Variants in SPAG11A observed in about 807,000 individuals in gnomAD.
SPAG11A encodes sperm-associated antigen 11A.
In SPAG11A, 2 loss-of-function variants were observed where a neutral mutation model predicts 5.5. The ratio of observed to expected loss-of-function variants is 0.37; its 90% CI spans 0.15 to 1.15. The LOEUF (loss-of-function observed/expected upper bound fraction) is 1.15, where lower values mean the gene tolerates loss of function less well. SPAG11A is among the 50% of genes most tolerant of loss of function. The pLI is 0.38. For synonymous variants in SPAG11A, 11 were observed against 42.7 expected (o/e 0.26, Z 2.90); for missense variants, 24 against 122.5 (o/e 0.20, Z 3.80).
chr8:7,859,937 T>C (rs1246522714), intron 2 of SPAG11A, among the ~76,000 whole-genome samples: 1 of 146,978 alleles, frequency 6.8e-6, no homozygotes, highest in African/African-American at 2.5e-5. Context: ...GCTGAGATGA[T>C]ACAGAATCAG....
rs149814174 is a variant in SPAG11A at position 7,860,566 on chromosome 8, C to T, written c.215-80C>T. On this transcript the variant is annotated intron_variant, in intron 2 of 2. Transcript: ENST00000642566. ...ACTTAGCCTTGTCAGAATATATAAC[C>T]CTTGGCAGTGGGCTGGGTTCATCTT... 4.1e-4 allele frequency: 562 copies of T among 1,380,888 alleles called. 42 individuals carry two copies. The African/African-American group carries it at 6.1e-3, about 15-fold the overall frequency. 85.5% of individuals were successfully genotyped at this position (1,380,888 alleles called of 1,614,324 possible). A position where few individuals can be genotyped will look rare whatever the true frequency, so the allele number is the denominator to read the frequency against.
At chr8:7,857,737 C>G (rs1488855145) in intron 2 of SPAG11A, among the ~76,000 whole-genome samples, 21 of 89,468 alleles carry the variant, frequency 2.3e-4, no homozygotes, top group African/African-American at 6.3e-4. Context: ...GTCAGAGAGT[C>G]CCTGCCAGGG....
rs116580826 is a variant in SPAG11A at position 7,860,371 on chromosome 8, G to A, written c.215-275G>A. On this transcript the variant is annotated intron_variant, in intron 2 of 2. Coordinates refer to ENST00000642566, the Ensembl canonical transcript of SPAG11A. ...GTGCACATCTCTCACCAGGAGGCTC[G>A]AGGACCCTCATTTAAGATCTGCGTG... 7.5e-3 allele frequency: 10,762 copies of A among 1,426,978 alleles called. 887 individuals carry two copies. The African/African-American group carries it at 0.13, about 18-fold the overall frequency. 88.4% of individuals were successfully genotyped at this position (1,426,978 alleles called of 1,614,324 possible).
downstream of SPAG11A, chr8:7,862,453 GGT>G (rs1490567440): frequency 4.7e-6 from 1 of 213,150 alleles, no homozygotes; most frequent in Non-Finnish European, 9.0e-6. Flanking sequence ...TCCCTGCCAG[GGT>G]GCTGCAGGTG....
chr8:7,861,351 A>G (rs577638200), downstream of SPAG11A, among the ~76,000 whole-genome samples: 47 of 146,458 alleles, frequency 3.2e-4, no homozygotes, highest in African/African-American at 1.1e-3. Context: ...ACAAGCTGAT[A>G]GTGTGTATAA....
At chr8:7,859,959 C>T (rs1818141741) in intron 2 of SPAG11A, among the ~76,000 whole-genome samples, 2 of 148,912 alleles carry the variant, frequency 1.3e-5, no homozygotes, top group South Asian at 4.4e-4. Context: ...GATTAGACCC[C>T]GTTTGGAGGT....
At chr8:7,863,650 G>A (rs1378758498), downstream of SPAG11A, 6 of 1,506,736 alleles carry the variant, frequency 4.0e-6, no homozygotes, top group African/African-American at 2.7e-5. Flanking sequence ...CGAAGAGCAG[G>A]AGCCTCACCC....
In SPAG11A at chr8:7,860,378, C is replaced by G. The variant is rs1818165345; in HGVS notation, c.215-268C>G. 2.8e-6 allele frequency: 4 copies of G among 1,429,860 alleles called. 1 individual carries two copies. Among genetic ancestry groups the G allele is most frequent in the Non-Finnish European group, 3.8e-6 (4 of 1,053,558 alleles). The allele number at this position is 1,429,860 out of a possible 1,614,324, so 88.6% of individuals were successfully genotyped here. ...TCTCTCACCAGGAGGCTCGAGGACC[C>G]TCATTTAAGATCTGCGTGGGCTTTT... On this transcript the variant is annotated intron_variant, in intron 2 of 2. Coordinates refer to ENST00000642566, the Ensembl canonical transcript of SPAG11A.
At chr8:7,848,503 C>G (rs1817853454) in intron 1 of SPAG11A, among the ~76,000 whole-genome samples, 188 bp from the exon 2 acceptor site, 2 of 150,244 alleles carry the variant, frequency 1.3e-5, no homozygotes, top group Non-Finnish European at 3.0e-5. Context: ...CACCTTCTCT[C>G]TCTACACATA....
At chr8:7,863,213 A>ATTTTTTTTT (rs869056010), downstream of SPAG11A, among the ~76,000 whole-genome samples, 45 of 7,542 alleles carry the variant, frequency 6.0e-3, 12 homozygotes, top group South Asian at 0.042. Context: ...TGCAGATGGG[A>ATTTTTTTTT]TTTTTTTTTT....
intron 2 of SPAG11A, chr8:7,860,217 T>C (rs1349009062): frequency 1.4e-6 from 1 of 722,674 alleles, no homozygotes; most frequent in Non-Finnish European, 2.1e-6. Flanking sequence ...TCCTTTTCGT[T>C]GTAGGACATA....
At chr8:7,861,994 A>G (rs1480203603), downstream of SPAG11A, among the ~76,000 whole-genome samples, 2 of 90,508 alleles carry the variant, frequency 2.2e-5, 1 homozygote, top group Non-Finnish European at 4.8e-5. Flanking sequence ...AGGCACAGGC[A>G]CCGCTGCAGG....
intron 2 of SPAG11A, among the ~76,000 whole-genome samples, chr8:7,857,823 C>T (rs1411670147): frequency 3.6e-4 from 32 of 89,640 alleles, no homozygotes; most frequent in African/African-American, 9.4e-4. Context: ...TTGAGATGCT[C>T]ACACTGTTCA....
chr8:7,852,428 G>GTTCAAGCGATTCTCCCAGC (rs1817959405), intron 2 of SPAG11A, among the ~76,000 whole-genome samples: 1 of 152,174 alleles, frequency 6.6e-6, no homozygotes, highest in Non-Finnish European at 1.5e-5. Context: ...ATTCTCCCAG[G>GTTCAAGCGATTCTCCCAGC]TTCAAGCAAT....
exon 3 of SPAG11A, chr8:7,860,857 G>T (rs1818193181): frequency 7.8e-7 from 1 of 1,278,392 alleles, no homozygotes; most frequent in Non-Finnish European, 1.0e-6. Context: ...GGAAGGCAGG[G>T]ATGTTGAAGT....
At chr8:7,857,846 G>T (rs1818085989) in intron 2 of SPAG11A, among the ~76,000 whole-genome samples, 1 of 90,446 alleles carries the variant, frequency 1.1e-5, no homozygotes, top group Non-Finnish European at 2.8e-5. Flanking sequence ...CATGCAGAAA[G>T]TCCAAGACCA....
At chr8:7,852,338 A>G (rs1468743071) in intron 2 of SPAG11A, among the ~76,000 whole-genome samples, 12 of 152,198 alleles carry the variant, frequency 7.9e-5, no homozygotes, top group African/African-American at 2.9e-4. Flanking sequence ...TTTGAGACAG[A>G]GTTTCACCCT....
At chr8:7,863,775 A>G, downstream of SPAG11A, 4 of 588,776 alleles carry the variant, frequency 6.8e-6, no homozygotes, top group Non-Finnish European at 9.3e-6. Context: ...GGACAAATAA[A>G]AGTAGTGATT....
chr8:7,861,132 C>T (rs111391623), downstream of SPAG11A: 31,976 of 297,312 alleles, frequency 0.11, 862 homozygotes, highest in Non-Finnish European at 0.13. Flanking sequence ...GACATAAATG[C>T]AACCAATCTG....
Sources: allele counts gnomAD v4.1 joint callset (sites outside exome capture counted in the v4.1 genomes callset), GRCh38; gene constraint gnomAD v4.1.1; transcripts MANE v1.5; gene names NCBI Gene and HGNC (gene_info 2026-07-23, HGNC 2026-07-21).